The following SPMAP1 variants were observed in gnomAD, a reference collection of about 807,000 sequenced individuals.
SPMAP1 encodes uncharacterized protein C17orf98.
chr17:38,839,248 G>C, the SPMAP1 span, among the ~76,000 whole-genome samples: 2 of 151,726 alleles, frequency 1.3e-5, no homozygotes, highest in South Asian at 2.1e-4. Context: ...GGTGGCTCAT[G>C]CCTATAGTCC....
chr17:38,836,164 T>A, the SPMAP1 span, among the ~76,000 whole-genome samples: 3 of 152,052 alleles, frequency 2.0e-5, no homozygotes, highest in Admixed American at 1.3e-4. Flanking sequence ...CCCGCCTGCC[T>A]CGGCCTCCCA....
At chr17:38,838,067 T>A in the SPMAP1 span, among the ~76,000 whole-genome samples, 2 of 151,904 alleles carry the variant, frequency 1.3e-5, no homozygotes, top group African/African-American at 4.8e-5. Flanking sequence ...GTATTTTTAG[T>A]AGAGACAGGG....
At chr17:38,841,284 GC>G in the SPMAP1 span, 1 of 1,614,216 alleles carries the variant, frequency 6.2e-7, no homozygotes, top group Non-Finnish European at 8.5e-7. Context: ...GCCGACCACA[GC>G]TTGGGCCTAG....
At chr17:38,836,519 A>G in the SPMAP1 span, among the ~76,000 whole-genome samples, 1 of 151,242 alleles carries the variant, frequency 6.6e-6, no homozygotes, top group African/African-American at 2.4e-5. Flanking sequence ...AGGATTGCGC[A>G]AGCCCAGGAG....
the SPMAP1 span, among the ~76,000 whole-genome samples, chr17:38,838,011 A>C: frequency 2.2e-4 from 33 of 152,056 alleles, no homozygotes; most frequent in Non-Finnish European, 4.1e-4. Flanking sequence ...CATCCTCCTG[A>C]GTAGCTGAGA....
chr17:38,838,227 T>C, the SPMAP1 span, among the ~76,000 whole-genome samples: 2 of 152,108 alleles, frequency 1.3e-5, no homozygotes, highest in Non-Finnish European at 2.9e-5. Context: ...GGGCCTGGCA[T>C]AGTAAAGTTT....
the SPMAP1 span, among the ~76,000 whole-genome samples, chr17:38,838,929 AC>A: frequency 6.6e-6 from 1 of 151,520 alleles, no homozygotes; most frequent in Non-Finnish European, 1.5e-5. Context: ...TACTAAAAAT[AC>A]AAAAAACTAA....
At chr17:38,836,068 C>T in the SPMAP1 span, among the ~76,000 whole-genome samples, 1 of 152,014 alleles carries the variant, frequency 6.6e-6, no homozygotes, top group Non-Finnish European at 1.5e-5. Context: ...GTGCCTGCCA[C>T]CACGCCCGGC....
the SPMAP1 span, chr17:38,841,304 T>C: frequency 6.2e-7 from 1 of 1,614,168 alleles, no homozygotes; most frequent in Non-Finnish European, 8.5e-7. Flanking sequence ...AGAGCGCCCA[T>C]AAGCGCGGGC....
the SPMAP1 span, chr17:38,841,215 C>T: frequency 6.2e-7 from 1 of 1,614,150 alleles, no homozygotes; most frequent in African/African-American, 1.3e-5. Context: ...GGCGGAACCA[C>T]GTGACTCTGG....
the SPMAP1 span, among the ~76,000 whole-genome samples, chr17:38,839,378 G>A: frequency 0.012 from 1,812 of 150,772 alleles, 35 homozygotes; most frequent in African/African-American, 0.042. Context: ...TGAAGTGGGA[G>A]GATCGCTTGA....
chr17:38,840,040 A>G, the SPMAP1 span, among the ~76,000 whole-genome samples: 3 of 152,130 alleles, frequency 2.0e-5, no homozygotes, highest in Non-Finnish European at 4.4e-5. Flanking sequence ...ACCATCAGCA[A>G]ACAGTCTCGG....
chr17:38,840,052 A>G, the SPMAP1 span, among the ~76,000 whole-genome samples: 3 of 152,170 alleles, frequency 2.0e-5, no homozygotes, highest in South Asian at 6.2e-4. Flanking sequence ...CAGTCTCGGA[A>G]TCTTTGATCT....
chr17:38,836,927 T>C, the SPMAP1 span, among the ~76,000 whole-genome samples: 9 of 150,310 alleles, frequency 6.0e-5, no homozygotes, highest in East Asian at 7.8e-4. Flanking sequence ...CCAGTTTGGG[T>C]GATAGAGTGA....
At chr17:38,840,674 C>T in the SPMAP1 span, among the ~76,000 whole-genome samples, 2 of 144,272 alleles carry the variant, frequency 1.4e-5, no homozygotes, top group Admixed American at 7.1e-5. Flanking sequence ...GGCGTGATGG[C>T]GCGAGCCTGT....
the SPMAP1 span, among the ~76,000 whole-genome samples, chr17:38,839,262 C>A: frequency 6.6e-6 from 1 of 151,598 alleles, no homozygotes; most frequent in African/African-American, 2.4e-5. Flanking sequence ...ATAGTCCCAG[C>A]ACTTTGGGAG....
chr17:38,841,179 A>G, the SPMAP1 span: 3 of 1,612,920 alleles, frequency 1.9e-6, no homozygotes, highest in Admixed American at 3.3e-5. Context: ...GGAAGCTCCT[A>G]TACCTGATCA....
the SPMAP1 span, chr17:38,836,989 T>C: frequency 6.1e-6 from 4 of 651,468 alleles, no homozygotes; most frequent in Non-Finnish European, 1.1e-5. Flanking sequence ...GTACTGGTGC[T>C]TATTAACTAA....
chr17:38,837,424 C>T, the SPMAP1 span, among the ~76,000 whole-genome samples: 1 of 152,130 alleles, frequency 6.6e-6, no homozygotes, highest in South Asian at 2.1e-4. Context: ...GGCCTCTAAT[C>T]CCAGCACTTT....
Sources: gnomAD v4.1 joint callset for allele counts (sites outside exome capture counted in the v4.1 genomes callset) on GRCh38, gnomAD v4.1.1 for gene constraint, MANE v1.5 for transcripts, NCBI Gene and HGNC (gene_info 2026-07-23, HGNC 2026-07-21) for gene names.